The following PDZD9 variants were observed in gnomAD, a reference collection of about 807,000 sequenced individuals.
PDZD9 encodes PDZ domain containing 9.
A neutral mutation model predicts 16.3 loss-of-function variants in PDZD9; 13 were observed. The ratio of observed to expected loss-of-function variants is 0.80; its 90% CI spans 0.52 to 1.27. PDZD9 has a LOEUF of 1.27. PDZD9 is among the 50% of genes most tolerant of loss of function. The probability of loss-of-function intolerance (pLI) is 0.00; values close to 1 mark genes in which losing one functional copy is unlikely to be tolerated. For synonymous variants in PDZD9, 120 were observed against 111.0 expected (o/e 1.08, Z -0.51); for missense variants, 288 against 310.9 (o/e 0.93, Z 0.55).
chr16:21,998,797 A>G (rs1291084046), intron 1 of PDZD9: 1 of 151,986 alleles, frequency 6.6e-6, no homozygotes, highest in Admixed American at 6.6e-5. Flanking sequence ...AAAAAAAAAA[A>G]AAAAAGAGAG....
downstream of PDZD9, among the ~76,000 whole-genome samples, chr16:21,982,309 A>C (rs1251782462): frequency 6.6e-6 from 1 of 152,126 alleles, no homozygotes; most frequent in Non-Finnish European, 1.5e-5. Context: ...ACTACACTTA[A>C]CCAGCCTTTG....
At chr16:21,980,511 G>GCT, downstream of PDZD9, 1 of 1,593,910 alleles carries the variant, frequency 6.3e-7, no homozygotes, top group Non-Finnish European at 8.5e-7. Flanking sequence ...TAATTGCCTT[G>GCT]CTCTCTAAAA....
the PDZD9 span, among the ~76,000 whole-genome samples, chr16:21,958,984 C>A: frequency 6.6e-6 from 1 of 152,160 alleles, no homozygotes; most frequent in Non-Finnish European, 1.5e-5. Flanking sequence ...AAAAAAAGTA[C>A]ATAACCTTAA....
At chr16:21,971,500 T>C in the PDZD9 span, 1 of 1,572,010 alleles carries the variant, frequency 6.4e-7, no homozygotes, top group African/African-American at 1.4e-5. Context: ...TGGTTCTAGC[T>C]TTGTTTTTGC....
intron 2 of PDZD9, chr16:21,995,218 T>G (rs1441182084): frequency 2.2e-6 from 1 of 458,368 alleles, no homozygotes; most frequent in African/African-American, 2.0e-5. Context: ...TTCCTCCCGC[T>G]CCAACCATGT....
intron 3 of PDZD9, among the ~76,000 whole-genome samples, chr16:21,987,161 C>G (rs951271314): frequency 6.6e-6 from 1 of 152,172 alleles, no homozygotes; most frequent in African/African-American, 2.4e-5. Flanking sequence ...TGGCTCATGC[C>G]TGTAATCCAA....
At chr16:21,997,301 T>C (rs1032223588) in intron 1 of PDZD9, among the ~76,000 whole-genome samples, 14 of 152,182 alleles carry the variant, frequency 9.2e-5, no homozygotes, top group Non-Finnish European at 1.8e-4. Flanking sequence ...CGGGTCAAGC[T>C]TCCAGCAGGG....
the PDZD9 span, chr16:21,974,013 A>G: frequency 6.5e-7 from 1 of 1,541,838 alleles, no homozygotes; most frequent in South Asian, 1.2e-5. Flanking sequence ...TTCATGAACA[A>G]GTTATTTCTC....
intron 3 of PDZD9, among the ~76,000 whole-genome samples, chr16:21,986,307 T>A (rs563898399): frequency 2.7e-4 from 41 of 152,322 alleles, no homozygotes; most frequent in African/African-American, 9.9e-4. Context: ...AGGTGCTTGG[T>A]ATTGTTTGTG....
rs1022706478 is a variant in PDZD9 at position 21,984,007 on chromosome 16, C to T, written c.*260G>A. On this transcript the variant is annotated 3_prime_UTR_variant, in exon 4 of 4. Transcript: ENST00000424898. ...GACATTCTGATATTGGATTTCTCTA[C>T]GGCATTTTCTAAAAGAAAGAAATTC... 2.6e-5 allele frequency: 8 copies of T among 302,784 alleles called. No homozygotes were observed. Among genetic ancestry groups the T allele is most frequent in the African/African-American group, 6.4e-5 (3 of 46,556 alleles). 18.8% of individuals were successfully genotyped at this position (302,784 alleles called of 1,614,324 possible).
chr16:21,986,310 T>TGTTTGTGGG (rs1898875484), intron 3 of PDZD9, among the ~76,000 whole-genome samples: 1 of 152,348 alleles, frequency 6.6e-6, no homozygotes, highest in South Asian at 2.1e-4. Flanking sequence ...TGCTTGGTAT[T>TGTTTGTGGG]GTTTGTGGGT....
At chr16:21,971,627 A>G in the PDZD9 span, 1 of 1,612,714 alleles carries the variant, frequency 6.2e-7, no homozygotes, top group Non-Finnish European at 8.5e-7. Context: ...GGAGGTAAGC[A>G]TTTCATTCTA....
downstream of PDZD9, chr16:21,980,137 CT>C: frequency 5.6e-6 from 1 of 179,870 alleles, no homozygotes; most frequent in Non-Finnish European, 1.2e-5. Context: ...GCAGAGAGAT[CT>C]TCCTCACTGT....
chr16:21,970,644 G>A, the PDZD9 span, among the ~76,000 whole-genome samples: 4 of 152,090 alleles, frequency 2.6e-5, no homozygotes, highest in Non-Finnish European at 5.9e-5. Context: ...GGAGTGCAGT[G>A]GCGCAATCTC....
At chr16:21,983,050 A>T (rs1597972603), downstream of PDZD9, 11 of 1,583,086 alleles carry the variant, frequency 6.9e-6, no homozygotes, top group African/African-American at 9.5e-5. Context: ...ATATATTTTT[A>T]TTTTTGTTAA....
At chr16:21,965,518 C>T in the PDZD9 span, 1 of 1,546,992 alleles carries the variant, frequency 6.5e-7, no homozygotes, top group Non-Finnish European at 8.7e-7. Flanking sequence ...ACCAATAAAA[C>T]ATATTTTGAA....
At chr16:21,984,725 A>G (rs1567483857) in intron 3 of PDZD9, 65 bp from the exon 4 acceptor site, 1 of 1,299,150 alleles carries the variant, frequency 7.7e-7, no homozygotes, top group Non-Finnish European at 1.0e-6. Flanking sequence ...GTCCCCTAAC[A>G]AGATGCCTTA....
the PDZD9 span, chr16:21,961,292 A>G: frequency 2.3e-6 from 1 of 442,916 alleles, no homozygotes; most frequent in Non-Finnish European, 4.5e-6. Context: ...GGTATTCTTT[A>G]TAAAGACTGG....
rs1262870769 is a variant in PDZD9 at position 21,996,372 on chromosome 16, G to T, written c.161C>A (p.Thr54Asn). The T allele has an allele frequency of 5.9e-6, 9 of 1,536,122 alleles. No homozygotes were observed. The East Asian group carries it at 7.3e-5, about 13-fold the overall frequency. The change falls in exon 2 of 4, where the codon ACC becomes AAC. Residue 54 changes from threonine (T) to asparagine (N), a missense_variant. Thr to Asn is a moderately conservative substitution (Grantham distance 65). Coordinates refer to ENST00000424898, the MANE Select transcript of PDZD9 (RefSeq NM_001363519.1). The stretch of plus-strand genomic sequence containing the variant: ...TGCAGCCCCCTTCCTGATGAGGTGG[G>T]TGATCTGGAGGTAGGGTCCATGCTG... ...IIQHGPYLQI[T>N]HLIRKGAAAN...
Sources: allele counts gnomAD v4.1 joint callset (sites outside exome capture counted in the v4.1 genomes callset), GRCh38; gene constraint gnomAD v4.1.1; transcripts MANE v1.5; gene names NCBI Gene and HGNC (gene_info 2026-07-23, HGNC 2026-07-21).